LIPC: variants seen among roughly 807,000 people sequenced by gnomAD.
LIPC encodes the protein hepatic triacylglycerol lipase.
A neutral mutation model predicts 50.7 loss-of-function variants in LIPC; 44 were observed. That is an observed-to-expected ratio of 0.87 (90% CI 0.68 to 1.11). The LOEUF is 1.11. Among genes scored for constraint, LIPC ranks in the 50% most tolerant of loss-of-function variants. The pLI is 0.00. For missense variants in LIPC, 697 were observed against 648.2 expected, an observed-to-expected ratio of 1.08 and a Z score of -0.82; for synonymous variants, 271 against 256.4, an observed-to-expected ratio of 1.06 and a Z score of -0.54.
At chr15:58,556,234 G>C (rs141080515) in intron 6 of LIPC, among the ~76,000 whole-genome samples, 1 of 152,300 alleles carries the variant, frequency 6.6e-6, no homozygotes, top group African/African-American at 2.4e-5. Context: ...TCTTCACTCA[G>C]AGAGCCTGTG....
At chr15:58,512,995 G>A (rs551662839) in intron 1 of LIPC, among the ~76,000 whole-genome samples, 1 of 151,894 alleles carries the variant, frequency 6.6e-6, no homozygotes, top group East Asian at 1.9e-4. Context: ...CATAGAAAAG[G>A]AGACACAGAG....
intron 1 of LIPC, among the ~76,000 whole-genome samples, chr15:58,514,504 TTAA>T (rs1241841551): frequency 6.6e-6 from 1 of 152,160 alleles, no homozygotes; most frequent in Admixed American, 6.6e-5. Flanking sequence ...CTCAGAAAGG[TTAA>T]ACCTCTTTCC....
chr15:58,439,484 C>T (rs1438315325), intron 1 of LIPC, among the ~76,000 whole-genome samples: 1 of 152,198 alleles, frequency 6.6e-6, no homozygotes, highest in Admixed American at 6.5e-5. Context: ...TGCTCTGTCG[C>T]CCAGGCTGGA....
chr15:58,442,488 T>A (rs1032435215), intron 1 of LIPC, among the ~76,000 whole-genome samples: 1 of 152,186 alleles, frequency 6.6e-6, no homozygotes, highest in Non-Finnish European at 1.5e-5. Context: ...CAGTGTTTGA[T>A]TAAGTGCTGA....
chr15:58,565,819 T>G (rs1374699186), intron 8 of LIPC: 2 of 984,930 alleles, frequency 2.0e-6, no homozygotes, highest in South Asian at 4.7e-5. Context: ...TAGGAGGTAC[T>G]GTATGCGGGT....
At chr15:58,552,897 G>A (rs1210133579) in intron 6 of LIPC, among the ~76,000 whole-genome samples, 1 of 152,196 alleles carries the variant, frequency 6.6e-6, no homozygotes, top group African/African-American at 2.4e-5. Flanking sequence ...ATAGACATGG[G>A]GATGAACCAC....
At chr15:58,449,025 T>G (rs1448512706) in intron 1 of LIPC, among the ~76,000 whole-genome samples, 1 of 152,038 alleles carries the variant, frequency 6.6e-6, no homozygotes, top group Non-Finnish European at 1.5e-5. Context: ...GAAGAGGGCT[T>G]GGCAGGCCGG....
At chr15:58,442,570 GAAC>G (rs1210877851) in intron 1 of LIPC, among the ~76,000 whole-genome samples, 1 of 152,176 alleles carries the variant, frequency 6.6e-6, no homozygotes, top group Non-Finnish European at 1.5e-5. Flanking sequence ...AAGATGTACA[GAAC>G]AACAGAAACC....
intron 1 of LIPC, chr15:58,521,852 A>T (rs989416345): frequency 3.3e-5 from 5 of 152,176 alleles, no homozygotes; most frequent in Non-Finnish European, 7.3e-5. Context: ...ATGGATGACG[A>T]TGATCATAAT....
chr15:58,487,518 T>C (rs1376901887), intron 1 of LIPC, among the ~76,000 whole-genome samples: 1 of 152,230 alleles, frequency 6.6e-6, no homozygotes, highest in Non-Finnish European at 1.5e-5. Context: ...CCTTAATAAA[T>C]AGCTTCCAGA....
intron 6 of LIPC, among the ~76,000 whole-genome samples, chr15:58,549,518 A>G (rs533377312): frequency 1.1e-3 from 170 of 152,342 alleles, no homozygotes; most frequent in African/African-American, 3.8e-3. Flanking sequence ...GCTGGTTATT[A>G]TCCCATTCTA....
intron 1 of LIPC, among the ~76,000 whole-genome samples, chr15:58,459,683 A>G (rs1294051287): frequency 1.3e-5 from 2 of 152,220 alleles, no homozygotes; most frequent in African/African-American, 2.4e-5. Context: ...GGGATTGAAA[A>G]TCAGCCTCGT....
chr15:58,432,180 A>G lies in LIPC; in HGVS notation c.88+60A>G, dbSNP rs1314933605. The G allele has an allele frequency of 4.8e-6, 6 of 1,260,172 alleles. No individual in the cohort carries two copies. The African/African-American group carries it at 7.3e-5, about 15-fold the overall frequency. The allele number at this position is 1,260,172 out of a possible 1,614,324, so 78.1% of individuals were successfully genotyped here. A position where few individuals can be genotyped will look rare whatever the true frequency, so the allele number is the denominator to read the frequency against. ...AACTTTTCTTTTTAAAACGTGTGTC[A>G]CAAAGAATCCAGGGGTTTCTGACTG... On this transcript the variant is annotated intron_variant, in intron 1 of 8. Coordinates refer to ENST00000299022, the MANE Select transcript of LIPC (RefSeq NM_000236.3).
rs572657490 is a variant in LIPC, at chr15:58,456,744, T to G, written c.88+24624T>G. Reference sequence around the variant, plus strand: ...AAATGTCCCCCGCAACCCATCACATTCATAAAGGCAACAAATTGGGGAAAA... The same window carrying G: ...AAATGTCCCCCGCAACCCATCACATGCATAAAGGCAACAAATTGGGGAAAA... On this transcript the variant is annotated intron_variant, in intron 1 of 8. Transcript: ENST00000299022. Among the ~76,000 whole-genome samples, 38 of 152,364 alleles carry G rather than the reference T, an allele frequency of 2.5e-4. 1 individual carries two copies. The highest frequency in any genetic ancestry group is 8.9e-4 in the African/African-American group (37 of 41,588).
intron 5 of LIPC, among the ~76,000 whole-genome samples, chr15:58,546,705 A>G (rs938443188): frequency 4.6e-5 from 7 of 152,184 alleles, no homozygotes; most frequent in Admixed American, 2.6e-4. Context: ...TGATTAAGAC[A>G]TGCCAATCAC....
At chr15:58,468,507 T>C (rs1386905868) in intron 1 of LIPC, among the ~76,000 whole-genome samples, 1 of 152,182 alleles carries the variant, frequency 6.6e-6, no homozygotes, top group East Asian at 1.9e-4. Flanking sequence ...GGAATACTAA[T>C]TTGCCTTTGG....
intron 1 of LIPC, among the ~76,000 whole-genome samples, chr15:58,482,740 T>C (rs866378499): frequency 6.6e-6 from 1 of 152,330 alleles, no homozygotes; most frequent in Middle Eastern, 3.4e-3. Context: ...GGTAACATTT[T>C]ACGGTAAACT....
rs73424682 is a variant in LIPC, at chr15:58,518,058, C to T, written c.89-20275C>T. Among the ~76,000 whole-genome samples the T allele has an allele frequency of 9.9e-3, 1,501 of 152,336 alleles. 29 individuals are homozygous for T. The highest frequency in any genetic ancestry group is 0.035 in the African/African-American group (1,458 of 41,570). ...CCAACTTCCTGTGTTGACCCTAGACCAGGACTTCTTGATCACAGCACACTT... is the reference window on the plus strand; with the variant it reads ...CCAACTTCCTGTGTTGACCCTAGACTAGGACTTCTTGATCACAGCACACTT... On this transcript the variant is annotated intron_variant, in intron 1 of 8. Coordinates refer to ENST00000299022, the MANE Select transcript of LIPC (RefSeq NM_000236.3).
intron 1 of LIPC, among the ~76,000 whole-genome samples, chr15:58,492,385 A>C (rs747903935): frequency 3.3e-5 from 5 of 152,206 alleles, no homozygotes; most frequent in African/African-American, 4.8e-5. Context: ...ACATAGCCAT[A>C]ATATAAACAC....
Sources: gnomAD v4.1 joint callset for allele counts (sites outside exome capture counted in the v4.1 genomes callset) on GRCh38, gnomAD v4.1.1 for gene constraint, MANE v1.5 for transcripts, NCBI Gene and HGNC (gene_info 2026-07-23, HGNC 2026-07-21) for gene names.